The following TRPM3 variants were observed in gnomAD, a reference collection of about 807,000 sequenced individuals.
TRPM3 encodes transient receptor potential cation channel subfamily M member 3, also known as long transient receptor potential channel 3.
TRPM3 carries 77 observed loss-of-function variants against 181.2 expected under a neutral mutation model. The observed-to-expected ratio is 0.42, with a 90% CI of 0.35 to 0.51. The LOEUF (loss-of-function observed/expected upper bound fraction) is 0.51. Ranked by LOEUF, TRPM3 falls within the 20% of genes least tolerant of loss-of-function variation. The pLI, the probability that TRPM3 is intolerant of heterozygous loss-of-function variation, is 0.01. For synonymous variants in TRPM3, 745 were observed against 796.4 expected, an observed-to-expected ratio of 0.94 and a Z score of 1.09; for missense variants, 1,759 against 2,196.7, an observed-to-expected ratio of 0.80 and a Z score of 3.98.
chr9:71,229,992 A>G (rs1239588162), intron 1 of TRPM3, among the ~76,000 whole-genome samples: 1 of 152,190 alleles, frequency 6.6e-6, no homozygotes, highest in African/African-American at 2.4e-5. Context: ...TTACTGTTGC[A>G]CTATTCAAAG....
chr9:71,054,655 A>G (rs1185910258), intron 1 of TRPM3, among the ~76,000 whole-genome samples: 1 of 152,150 alleles, frequency 6.6e-6, no homozygotes, highest in African/African-American at 2.4e-5. Flanking sequence ...TTTAAGGAAT[A>G]AAAATATATA....
intron 1 of TRPM3, among the ~76,000 whole-genome samples, chr9:70,866,092 T>G (rs2095644838): frequency 6.6e-6 from 1 of 152,080 alleles, no homozygotes; most frequent in East Asian, 1.9e-4. Context: ...GTCTTTTTCT[T>G]TGTAAAAAGC....
At chr9:71,109,038 ACCT>A (rs2070415604) in intron 1 of TRPM3, among the ~76,000 whole-genome samples, 1 of 145,872 alleles carries the variant, frequency 6.9e-6, no homozygotes, top group Admixed American at 6.9e-5. Flanking sequence ...CAAAAGGCTC[ACCT>A]CCTCCGAGCA....
intron 1 of TRPM3, among the ~76,000 whole-genome samples, chr9:71,157,183 A>G (rs2076049272): frequency 6.6e-6 from 1 of 152,140 alleles, no homozygotes; most frequent in African/African-American, 2.4e-5. Flanking sequence ...ATTATCAACA[A>G]AAAGCATAAC....
chr9:70,781,326 TAAAAAAAAAAAA>T (rs35173071), intron 7 of TRPM3, among the ~76,000 whole-genome samples: 2 of 106,156 alleles, frequency 1.9e-5, no homozygotes, highest in Admixed American at 1.0e-4. Flanking sequence ...TTCCATTTCA[TAAAAAAAAAAAA>T]AAAAAAAAAA....
intron 1 of TRPM3, among the ~76,000 whole-genome samples, chr9:71,390,507 T>C (rs566190113): frequency 4.6e-5 from 7 of 152,146 alleles, no homozygotes; most frequent in African/African-American, 1.4e-4. Flanking sequence ...AAGGCAAGAT[T>C]CTCCTTTCTA....
intron 22 of TRPM3, among the ~76,000 whole-genome samples, chr9:70,582,181 C>CGTGT (rs3073501): frequency 0.078 from 11,613 of 149,170 alleles, 527 homozygotes; most frequent in South Asian, 0.18. Context: ...CCACCCTGTG[C>CGTGT]GTGTGTGTGT....
At chr9:70,601,597 G>A (rs922192473) in intron 20 of TRPM3, among the ~76,000 whole-genome samples, 5 of 152,150 alleles carry the variant, frequency 3.3e-5, no homozygotes, top group African/African-American at 9.7e-5. Flanking sequence ...GGTCAGACTC[G>A]GAGGTGGTCA....
chr9:71,275,233 T>A (rs2084104001), intron 1 of TRPM3, among the ~76,000 whole-genome samples: 1 of 152,238 alleles, frequency 6.6e-6, no homozygotes, highest in Non-Finnish European at 1.5e-5. Flanking sequence ...GATAAATCAT[T>A]TCAATTTCTA....
chr9:71,160,666 C>T (rs1399328000), intron 1 of TRPM3, among the ~76,000 whole-genome samples: 1 of 152,120 alleles, frequency 6.6e-6, no homozygotes, highest in Non-Finnish European at 1.5e-5. Context: ...TCCTAGATTC[C>T]ACTGGGTAGG....
chr9:70,569,913 G>C (rs1408251534), intron 22 of TRPM3, among the ~76,000 whole-genome samples: 1 of 151,994 alleles, frequency 6.6e-6, no homozygotes, highest in African/African-American at 2.4e-5. Context: ...CTTCTGCCTT[G>C]CTTAGGTCTG....
intron 1 of TRPM3, among the ~76,000 whole-genome samples, chr9:71,040,500 T>G (rs1474952170): frequency 6.6e-6 from 1 of 152,186 alleles, no homozygotes; most frequent in Non-Finnish European, 1.5e-5. Context: ...CTAGACTAAT[T>G]CACATAGAGT....
At chr9:71,381,700 T>A (rs1267702388) in intron 1 of TRPM3, among the ~76,000 whole-genome samples, 1 of 152,116 alleles carries the variant, frequency 6.6e-6, no homozygotes, top group African/African-American at 2.4e-5. Context: ...CTCAGAGAAG[T>A]TAAATGTAAA....
intron 5 of TRPM3, among the ~76,000 whole-genome samples, chr9:70,841,661 T>TATATATATATATATATATATATATAA (rs1339698170): frequency 5.8e-5 from 5 of 86,080 alleles, no homozygotes; most frequent in South Asian, 4.3e-4. Flanking sequence ...TATATATATA[T>TATATATATATATATATATATATATAA]CCCACCATAT....
intron 1 of TRPM3, among the ~76,000 whole-genome samples, chr9:71,111,933 AT>A (rs2071200980): frequency 6.6e-6 from 1 of 152,136 alleles, no homozygotes; most frequent in African/African-American, 2.4e-5. Flanking sequence ...ACTCTGATTT[AT>A]TTTTTCCCTG....
At chr9:70,854,615 AG>A (rs1183836163) in intron 3 of TRPM3, among the ~76,000 whole-genome samples, 1 of 152,144 alleles carries the variant, frequency 6.6e-6, no homozygotes, top group African/African-American at 2.4e-5. Flanking sequence ...TCTTTCTAAA[AG>A]CACCTGTTTG....
chr9:70,930,868 G>A (rs1230141992), intron 1 of TRPM3, among the ~76,000 whole-genome samples: 1 of 151,984 alleles, frequency 6.6e-6, no homozygotes, highest in Non-Finnish European at 1.5e-5. Flanking sequence ...GCAAATGAAA[G>A]TGGCTGAGAA....
At chr9:71,192,884 G>C (rs2078119347) in intron 1 of TRPM3, among the ~76,000 whole-genome samples, 1 of 151,732 alleles carries the variant, frequency 6.6e-6, no homozygotes, top group Non-Finnish European at 1.5e-5. Flanking sequence ...GTTTTAGATG[G>C]ATATATTAAC....
At chr9:70,634,340 C>T (rs1027728773) in intron 12 of TRPM3, among the ~76,000 whole-genome samples, 5 of 152,114 alleles carry the variant, frequency 3.3e-5, no homozygotes, top group South Asian at 4.1e-4. Flanking sequence ...GCCTTGAACT[C>T]GACCTTAGGT....
Sources: gnomAD v4.1 joint callset for allele counts (sites outside exome capture counted in the v4.1 genomes callset) on GRCh38, gnomAD v4.1.1 for gene constraint, MANE v1.5 for transcripts, NCBI Gene and HGNC (gene_info 2026-07-23, HGNC 2026-07-21) for gene names.